SP100: variants seen among roughly 807,000 people sequenced by gnomAD.
The protein encoded by SP100 is nuclear autoantigen Sp-100.
SP100 carries 84 observed loss-of-function variants against 130.0 expected under a neutral mutation model. The ratio of observed to expected loss-of-function variants is 0.65; its 90% CI spans 0.54 to 0.77. The LOEUF (loss-of-function observed/expected upper bound fraction) is 0.77, where lower values mean the gene tolerates loss of function less well. Ranked by LOEUF, SP100 falls within the 30% of genes least tolerant of loss-of-function variation. The pLI is 0.00. For synonymous variants in SP100, 331 were observed against 351.7 expected, an observed-to-expected ratio of 0.94 and a Z score of 0.66; for missense variants, 978 against 1,052.2, an observed-to-expected ratio of 0.93 and a Z score of 0.97.
chr2:230,470,930 G>T (rs1315460433), intron 15 of SP100, among the ~76,000 whole-genome samples: 1 of 150,146 alleles, frequency 6.7e-6, no homozygotes, highest in Non-Finnish European at 1.5e-5. Context: ...GCATATATTT[G>T]TTACATATAA....
chr2:230,541,024 C>T (rs1408559361), intron 26 of SP100, 28 bp downstream of exon 26: 10 of 1,593,030 alleles, frequency 6.3e-6, no homozygotes, highest in Non-Finnish European at 8.6e-6. Context: ...CCTGAAGCCT[C>T]TTCCTTTCTG....
intron 24 of SP100, chr2:230,515,608 G>A (rs1219706865): frequency 1.2e-6 from 2 of 1,603,288 alleles, no homozygotes; most frequent in Admixed American, 1.7e-5. Context: ...GGATGAACAA[G>A]AGGAGGAAAA....
chr2:230,458,729 T>G (rs2064419847), intron 8 of SP100, among the ~76,000 whole-genome samples: 1 of 152,006 alleles, frequency 6.6e-6, no homozygotes, highest in Admixed American at 6.6e-5. Context: ...TGGTAGACAA[T>G]GGCACTGGAA....
intron 17 of SP100, among the ~76,000 whole-genome samples, chr2:230,475,922 C>A (rs1462429619): frequency 1.3e-5 from 2 of 152,120 alleles, no homozygotes; most frequent in African/African-American, 2.4e-5. Flanking sequence ...CAGTACCATG[C>A]CATTTTGATT....
intron 4 of SP100, among the ~76,000 whole-genome samples, chr2:230,444,563 G>A (rs1443363857): frequency 6.6e-6 from 1 of 152,082 alleles, no homozygotes; most frequent in Non-Finnish European, 1.5e-5. Flanking sequence ...AGACTCACAG[G>A]ACAACCAGAG....
intron 8 of SP100, 54 bp from the exon 9 acceptor site, chr2:230,461,208 G>A: frequency 4.5e-6 from 7 of 1,559,904 alleles, no homozygotes; most frequent in Non-Finnish European, 6.2e-6. Flanking sequence ...ATTAATGATA[G>A]TGAAGGAGGT....
chr2:230,496,519 T>C (rs2066674444), intron 18 of SP100, among the ~76,000 whole-genome samples: 1 of 152,082 alleles, frequency 6.6e-6, no homozygotes, highest in Non-Finnish European at 1.5e-5. Flanking sequence ...CCTCATACTA[T>C]ATAGGTTGGT....
In SP100 at chr2:230,511,182, C is replaced by T. The variant is rs373392735; in HGVS notation, c.2094+16C>T. On this transcript the variant is annotated intron_variant, in intron 24 of 28. Coordinates refer to ENST00000340126, the MANE Select transcript of SP100 (RefSeq NM_001080391.2). ...TGACCCTTGTGTAAGTATAAATTTC[C>T]GACTATGACCCCAAAATAAGTCAGG... 4.0e-5 allele frequency: 63 copies of T among 1,581,394 alleles called. No homozygotes were observed. Among genetic ancestry groups the T allele is most frequent in the Admixed American group, 1.0e-4 (6 of 59,922 alleles).
intron 24 of SP100, among the ~76,000 whole-genome samples, chr2:230,532,145 C>T (rs893761432): frequency 7.2e-5 from 11 of 152,034 alleles, no homozygotes; most frequent in African/African-American, 2.4e-4. Flanking sequence ...TAGAGGACAC[C>T]GACCACTTAA....
chr2:230,517,672 G>C (rs914199192), intron 24 of SP100, among the ~76,000 whole-genome samples: 2 of 151,364 alleles, frequency 1.3e-5, no homozygotes, highest in Admixed American at 6.6e-5. Context: ...GGCTGAGGCA[G>C]AAGAATCGCT....
At chr2:230,450,713 G>T (rs977544281) in intron 8 of SP100, among the ~76,000 whole-genome samples, 2 of 152,096 alleles carry the variant, frequency 1.3e-5, no homozygotes, top group Admixed American at 6.5e-5. Context: ...ACATATAAGT[G>T]AGATGTCATA....
At chr2:230,430,389 G>A in intron 2 of SP100, among the ~76,000 whole-genome samples, 1 of 152,224 alleles carries the variant, frequency 6.6e-6, no homozygotes, top group Middle Eastern at 3.2e-3. Context: ...ATTAGGCAGG[G>A]TTGAAGACTG....
intron 8 of SP100, among the ~76,000 whole-genome samples, chr2:230,457,479 A>G (rs1274975351): frequency 6.6e-6 from 1 of 152,174 alleles, no homozygotes; most frequent in Non-Finnish European, 1.5e-5. Flanking sequence ...GGTTCAGACC[A>G]TGGGTACTGG....
chr2:230,437,049 C>T (rs2063316372), intron 2 of SP100, among the ~76,000 whole-genome samples: 2 of 151,262 alleles, frequency 1.3e-5, no homozygotes, highest in Non-Finnish European at 2.9e-5. Flanking sequence ...GTAGACATCC[C>T]CATATTGTTT....
At chr2:230,526,460 A>G (rs550298788) in intron 24 of SP100, among the ~76,000 whole-genome samples, 1 of 152,308 alleles carries the variant, frequency 6.6e-6, no homozygotes, top group South Asian at 2.1e-4. Flanking sequence ...ATGGGGAGAA[A>G]CCACAGCAGA....
At chr2:230,496,313 G>C (rs926920508) in intron 18 of SP100, among the ~76,000 whole-genome samples, 3 of 152,180 alleles carry the variant, frequency 2.0e-5, no homozygotes, top group Non-Finnish European at 4.4e-5. Context: ...CCTTTTAGCG[G>C]TAATATCTCA....
At chr2:230,536,775 C>G (rs1691960189) in intron 24 of SP100, among the ~76,000 whole-genome samples, 1 of 60,412 alleles carries the variant, frequency 1.7e-5, no homozygotes, top group African/African-American at 3.7e-5. Flanking sequence ...TACTCATTGT[C>G]TCAGTGATTG....
In SP100 at chr2:230,435,693, C is replaced by T. The variant is rs574505904; in HGVS notation, c.108-7244C>T. ...GTGTTAAGACAAGCATTCACTAGCT[C>T]TTCTTCCTGATCCTCTCCCTCCTCC... On this transcript the variant is annotated intron_variant, in intron 2 of 28. Transcript: ENST00000340126. Among the ~76,000 whole-genome samples the T allele has an allele frequency of 1.3e-3, 202 of 152,222 alleles. 2 individuals carry two copies. The highest frequency in any genetic ancestry group is 3.4e-3 in the Middle Eastern group (1 of 294).
At chr2:230,515,633 A>G (rs907524903) in intron 24 of SP100, 2 of 1,601,166 alleles carry the variant, frequency 1.2e-6, no homozygotes, top group African/African-American at 2.7e-5. Flanking sequence ...GAAGATGATG[A>G]TAAATAAGTT....
Sources: allele counts gnomAD v4.1 joint callset (sites outside exome capture counted in the v4.1 genomes callset), GRCh38; gene constraint gnomAD v4.1.1; transcripts MANE v1.5; gene names NCBI Gene and HGNC (gene_info 2026-07-23, HGNC 2026-07-21).